Variants in TAFA5 observed in about 807,000 individuals in gnomAD.
The protein encoded by TAFA5 is TAFA chemokine like family member 5.
In TAFA5, 6 loss-of-function variants were observed where a neutral mutation model predicts 15.3. The ratio of observed to expected loss-of-function variants is 0.39; its 90% CI spans 0.21 to 0.77. The LOEUF is 0.77. TAFA5 is among the 30% of genes least tolerant of loss of function. The pLI is 0.41. For synonymous variants in TAFA5, 103 were observed against 80.7 expected (o/e 1.28, Z -1.48); for missense variants, 161 against 193.1 (o/e 0.83, Z 0.98).
intron 1 of TAFA5, among the ~76,000 whole-genome samples, chr22:48,628,711 G>T (rs1322140018): frequency 2.0e-5 from 3 of 152,234 alleles, no homozygotes; most frequent in Non-Finnish European, 2.9e-5. Flanking sequence ...GGGCATGGCT[G>T]CCCCCGGGAG....
chr22:48,601,274 C>T (rs1283812602), intron 1 of TAFA5, among the ~76,000 whole-genome samples: 1 of 152,186 alleles, frequency 6.6e-6, no homozygotes, highest in Non-Finnish European at 1.5e-5. Context: ...TTCTGTCTCT[C>T]TCCACATACC....
At chr22:48,652,509 G>A (rs1927090010) in intron 2 of TAFA5, among the ~76,000 whole-genome samples, 1 of 152,226 alleles carries the variant, frequency 6.6e-6, no homozygotes. Context: ...TTCATGGGCA[G>A]CCCTTCCTGC....
chr22:48,743,521 C>CT (rs1196369069), intron 3 of TAFA5, among the ~76,000 whole-genome samples: 17 of 152,230 alleles, frequency 1.1e-4, no homozygotes, highest in African/African-American at 3.9e-4. Context: ...ATCTTCATGT[C>CT]TGTTACTGTA....
chr22:48,720,270 T>A (rs1929530994), intron 3 of TAFA5, among the ~76,000 whole-genome samples: 1 of 152,074 alleles, frequency 6.6e-6, no homozygotes, highest in Non-Finnish European at 1.5e-5. Context: ...TGCCTCCTTC[T>A]CCTTTTCCCT....
intron 1 of TAFA5, among the ~76,000 whole-genome samples, chr22:48,615,221 A>G (rs1925555915): frequency 6.6e-6 from 1 of 152,162 alleles, no homozygotes; most frequent in Admixed American, 6.5e-5. Context: ...GAACAGTGAT[A>G]AGAGTTCTTA....
chr22:48,638,028 G>A (rs972984101), intron 1 of TAFA5, among the ~76,000 whole-genome samples: 18 of 152,010 alleles, frequency 1.2e-4, no homozygotes, highest in African/African-American at 3.4e-4. Flanking sequence ...TGCAAGGGGC[G>A]GCCAGGGTAT....
At position 48,681,563 on chromosome 22, in the gene TAFA5, A is replaced by G. The variant is rs545910587; in HGVS notation, c.263-26154A>G. Among the ~76,000 whole-genome samples, 238 of 150,900 alleles carry G rather than the reference A, an allele frequency of 1.6e-3. 2 individuals carry two copies. The highest frequency in any genetic ancestry group is 9.9e-4 in the Non-Finnish European group (67 of 67,748). ...CTACTTGGGAGGCTGAGGCAGGAGA[A>G]TTGCTTGAACCTGGGAGGTGGAGGT... On this transcript the variant is annotated intron_variant, in intron 2 of 3. Transcript: ENST00000402357.
At chr22:48,691,374 G>A (rs12329946) in intron 2 of TAFA5, among the ~76,000 whole-genome samples, 2,516 of 152,282 alleles carry the variant, frequency 0.017, 85 homozygotes, top group African/African-American at 0.058. Flanking sequence ...TTTTGGTATC[G>A]TCATCCTCCC....
At chr22:48,685,747 T>G (rs1056864370) in intron 2 of TAFA5, among the ~76,000 whole-genome samples, 3 of 152,088 alleles carry the variant, frequency 2.0e-5, no homozygotes, top group Admixed American at 1.3e-4. Flanking sequence ...GGGTTTCATT[T>G]TGGGTTTACA....
chr22:48,533,465 C>T (rs1308711190), intron 1 of TAFA5, among the ~76,000 whole-genome samples: 2 of 152,234 alleles, frequency 1.3e-5, no homozygotes, highest in Non-Finnish European at 2.9e-5. Context: ...GCGTCTTGGC[C>T]TCCAGGCTGC....
chr22:48,508,645 A>G (rs747787389), intron 1 of TAFA5, among the ~76,000 whole-genome samples: 2 of 152,212 alleles, frequency 1.3e-5, no homozygotes, highest in Non-Finnish European at 2.9e-5. Context: ...ACCTAACTGC[A>G]GTTGCCCCAC....
chr22:48,619,705 G>A (rs987580135), intron 1 of TAFA5, among the ~76,000 whole-genome samples: 7 of 152,224 alleles, frequency 4.6e-5, no homozygotes, highest in Non-Finnish European at 8.8e-5. Flanking sequence ...CGTCAGGACC[G>A]GACTCAGGGC....
chr22:48,539,262 G>T, intron 1 of TAFA5: 2 of 438,092 alleles, frequency 4.6e-6, no homozygotes, highest in South Asian at 3.4e-5. Context: ...CAGGGCCCTG[G>T]AGAGGTGGCC....
At chr22:48,507,307 G>GAAGGAGACAGTCA (rs1280756593) in intron 1 of TAFA5, among the ~76,000 whole-genome samples, 1 of 152,156 alleles carries the variant, frequency 6.6e-6, no homozygotes, top group African/African-American at 2.4e-5. Flanking sequence ...AGTTGGAGGA[G>GAAGGAGACAGTCA]TGGCCGGCCG....
chr22:48,502,615 A>G (rs900566769), intron 1 of TAFA5, among the ~76,000 whole-genome samples: 8 of 146,980 alleles, frequency 5.4e-5, no homozygotes, highest in Admixed American at 1.4e-4. Flanking sequence ...TCCACCTCCC[A>G]GGTTCCAGTG....
chr22:48,494,449 C>T (rs574508935), intron 1 of TAFA5, among the ~76,000 whole-genome samples: 12 of 152,128 alleles, frequency 7.9e-5, no homozygotes, highest in Admixed American at 2.0e-4. Context: ...ATCAGGTGGC[C>T]GGAGTGAGCA....
In TAFA5 at chr22:48,646,713, G is replaced by A. The variant is rs1055283390; in HGVS notation, c.229G>A (p.Gly77Ser). 2.5e-6 allele frequency: 4 copies of A among 1,597,224 alleles called. No individual in the cohort carries two copies. Among genetic ancestry groups the A allele is most frequent in the Non-Finnish European group, 3.4e-6 (4 of 1,174,722 alleles). ...TGCGTGTAGAAAGGGGCAGATCGCC[G>A]GCACCACGAGAGCCCGGCCCGCCTG... ...RCACRKGQIA[G>S]TTRARPACVD... Residue 77 changes from glycine (G) to serine (S), a missense_variant, in exon 2 of 4, where the codon GGC becomes AGC. Coordinates refer to ENST00000402357, the MANE Select transcript of TAFA5 (RefSeq NM_001082967.3).
chr22:48,655,248 C>T (rs1395553008), intron 2 of TAFA5, among the ~76,000 whole-genome samples: 1 of 152,192 alleles, frequency 6.6e-6, no homozygotes, highest in Non-Finnish European at 1.5e-5. Flanking sequence ...GAGTGGACAG[C>T]AGCCCTCACT....
intron 1 of TAFA5, among the ~76,000 whole-genome samples, chr22:48,579,867 C>T (rs574600431): frequency 3.3e-4 from 51 of 152,276 alleles, no homozygotes; most frequent in African/African-American, 1.2e-3. Context: ...ATGAGAAAGC[C>T]GGGAAATCAT....
Sources: allele counts gnomAD v4.1 joint callset (sites outside exome capture counted in the v4.1 genomes callset), GRCh38; gene constraint gnomAD v4.1.1; transcripts MANE v1.5; gene names NCBI Gene and HGNC (gene_info 2026-07-23, HGNC 2026-07-21).